COL28A1: variants seen among roughly 807,000 people sequenced by gnomAD.
COL28A1 encodes collagen type XXVIII alpha 1 chain.
A neutral mutation model predicts 150.2 loss-of-function variants in COL28A1; 161 were observed. The observed-to-expected ratio is 1.07, with a 90% CI of 0.94 to 1.22. COL28A1 has a LOEUF of 1.22. Ranked by LOEUF, COL28A1 falls within the 50% of genes most tolerant of loss-of-function variation. The pLI is 0.00. For missense variants in COL28A1, 1,617 were observed against 1,388.3 expected, an observed-to-expected ratio of 1.16 and a Z score of -2.62; for synonymous variants, 552 against 469.7, an observed-to-expected ratio of 1.18 and a Z score of -2.26.
chr7:7,532,025 G>C lies in COL28A1; in HGVS notation c.125-121C>G, dbSNP rs1782394567. On this transcript the variant is annotated intron_variant, in intron 2 of 34. Coordinates refer to ENST00000399429, the MANE Select transcript of COL28A1 (RefSeq NM_001037763.3). Reference sequence around the variant, plus strand: ...TGGTGTTGAGAGCAGCGTGAGGAGAGAAAGAGAGACACGTTGGACAGAAGG... The same window carrying C: ...TGGTGTTGAGAGCAGCGTGAGGAGACAAAGAGAGACACGTTGGACAGAAGG... The C allele has an allele frequency of 5.0e-6, 3 of 603,172 alleles. No homozygotes were observed. The East Asian group carries it at 8.3e-5, about 17-fold the overall frequency. The allele number at this position is 603,172 out of a possible 1,614,324, so 37.4% of individuals were successfully genotyped here. A position where few individuals can be genotyped will look rare whatever the true frequency, so the allele number is the denominator to read the frequency against.
intron 27 of COL28A1, among the ~76,000 whole-genome samples, chr7:7,395,581 T>A (rs947616444): frequency 1.3e-5 from 2 of 152,174 alleles, no homozygotes; most frequent in African/African-American, 4.8e-5. Flanking sequence ...GGTTACACAT[T>A]ACAAACAAAT....
Position 7,477,184 on chromosome 7 carries a change from GT to G in COL28A1, c.1165-5del. On this transcript the variant is annotated splice_region_variant and splice_polypyrimidine_tract_variant and intron_variant, in intron 13 of 34. Coordinates refer to ENST00000399429, the MANE Select transcript of COL28A1 (RefSeq NM_001037763.3). Reference sequence around the variant, plus strand: ...CTCCCTCAGGACCACGGGGACCCTGGTTAGGATAGGAGAAAATGAGGAGCAG... The same window carrying G: ...CTCCCTCAGGACCACGGGGACCCTGGTAGGATAGGAGAAAATGAGGAGCAG... The G allele has an allele frequency of 1.8e-6, 2 of 1,130,704 alleles. No homozygotes were observed. Among genetic ancestry groups the G allele is most frequent in the Non-Finnish European group, 2.7e-6 (2 of 737,824 alleles). The allele number at this position is 1,130,704 out of a possible 1,614,324, so 70.0% of individuals were successfully genotyped here.
rs368386215 is a variant in COL28A1, at chr7:7,486,394, T to C, written c.1164+2995A>G. Reference sequence around the variant, plus strand: ...CCATCATATCATCTGCAAATAAGGATAGTTTTATTTATTGTTTTTATACCA... The same window carrying C: ...CCATCATATCATCTGCAAATAAGGACAGTTTTATTTATTGTTTTTATACCA... On this transcript the variant is annotated intron_variant, in intron 13 of 34. Transcript: ENST00000399429. 1.1e-4 allele frequency among the ~76,000 whole-genome samples: 17 copies of C among 152,266 alleles called. 1 individual carries two copies. Among genetic ancestry groups the C allele is most frequent in the African/African-American group, 4.1e-4 (17 of 41,558 alleles).
chr7:7,444,398 T>C lies in COL28A1; in HGVS notation c.1581+20A>G, dbSNP rs374283959. 7 of 1,613,634 alleles carry C rather than the reference T, an allele frequency of 4.3e-6. No individual in the cohort carries two copies. Among genetic ancestry groups the C allele is most frequent in the Non-Finnish European group, 5.9e-6 (7 of 1,179,842 alleles). ...GGTTCAACAGTTCCTACTCCAGTAA[T>C]ACGAAAAACTTGGTGTTACCTTCTT... On this transcript the variant is annotated intron_variant, in intron 19 of 34. Transcript: ENST00000399429.
intron 14 of COL28A1, among the ~76,000 whole-genome samples, chr7:7,476,870 T>C (rs1167693511): frequency 6.6e-6 from 1 of 152,208 alleles, no homozygotes; most frequent in African/African-American, 2.4e-5. Flanking sequence ...CTTTAAGAGA[T>C]TTTTCTAATT....
intron 33 of COL28A1, among the ~76,000 whole-genome samples, chr7:7,370,486 T>C (rs1219064069): frequency 1.3e-5 from 2 of 152,124 alleles, no homozygotes; most frequent in Non-Finnish European, 2.9e-5. Flanking sequence ...TATAAAAATA[T>C]TATCAGCAAC....
intron 25 of COL28A1, among the ~76,000 whole-genome samples, chr7:7,428,963 T>C (rs1784790507): frequency 6.6e-6 from 1 of 152,238 alleles, no homozygotes; most frequent in African/African-American, 2.4e-5. Flanking sequence ...GGGTGCTAGA[T>C]GTCAGCAACT....
upstream of COL28A1, among the ~76,000 whole-genome samples, chr7:7,537,533 G>A (rs1481433024): frequency 1.3e-5 from 2 of 152,190 alleles, no homozygotes; most frequent in African/African-American, 4.8e-5. Flanking sequence ...GAGAGGTTCA[G>A]TAACTTGTCC....
At chr7:7,502,558 T>C (rs926726503) in intron 11 of COL28A1, among the ~76,000 whole-genome samples, 56 of 152,338 alleles carry the variant, frequency 3.7e-4, no homozygotes, top group Middle Eastern at 6.8e-3. Context: ...GCAGGCCCTA[T>C]CTAGAACCTC....
intron 11 of COL28A1, among the ~76,000 whole-genome samples, chr7:7,505,698 A>C (rs1033099906): frequency 6.6e-6 from 1 of 152,168 alleles, no homozygotes; most frequent in African/African-American, 2.4e-5. Context: ...GTCACTTGTT[A>C]TTGCTTTTTG....
At chr7:7,368,426 G>A (rs372596505) in intron 33 of COL28A1, among the ~76,000 whole-genome samples, 1 of 150,026 alleles carries the variant, frequency 6.7e-6, no homozygotes, top group Non-Finnish European at 1.5e-5. Context: ...CCTTCCCCCT[G>A]CTCTTCTCTT....
At chr7:7,401,536 G>T (rs887241395) in intron 27 of COL28A1, among the ~76,000 whole-genome samples, 3 of 151,886 alleles carry the variant, frequency 2.0e-5, no homozygotes, top group African/African-American at 7.3e-5. Flanking sequence ...TCCCATTTCA[G>T]AAAATGGAAA....
At chr7:7,497,824 T>C (rs1456709567) in intron 11 of COL28A1, among the ~76,000 whole-genome samples, 1 of 152,198 alleles carries the variant, frequency 6.6e-6, no homozygotes, top group East Asian at 1.9e-4. Context: ...TAATGTAAAT[T>C]ATAACTGGCA....
At chr7:7,341,014 C>A in the COL28A1 span, among the ~76,000 whole-genome samples, 8 of 152,134 alleles carry the variant, frequency 5.3e-5, no homozygotes, top group Admixed American at 6.6e-5. Flanking sequence ...TCTGTACTTA[C>A]CCATACAGAG....
chr7:7,365,392 T>A (rs573852482), intron 33 of COL28A1, among the ~76,000 whole-genome samples: 1 of 152,238 alleles, frequency 6.6e-6, no homozygotes, highest in South Asian at 2.1e-4. Context: ...ACAAATGAGT[T>A]GTCTAGGGAC....
chr7:7,509,811 C>T (rs1387053579), intron 9 of COL28A1, among the ~76,000 whole-genome samples: 1 of 152,110 alleles, frequency 6.6e-6, no homozygotes, highest in East Asian at 1.9e-4. Context: ...GTCCCTTTTT[C>T]TGCATTGCCA....
At chr7:7,422,166 A>G (rs989277561) in intron 25 of COL28A1, among the ~76,000 whole-genome samples, 5 of 152,220 alleles carry the variant, frequency 3.3e-5, no homozygotes, top group East Asian at 1.9e-4. Context: ...ACACTCTCCA[A>G]CAAAACAAGT....
At chr7:7,399,228 G>C (rs1583291361) in intron 27 of COL28A1, among the ~76,000 whole-genome samples, 1 of 152,022 alleles carries the variant, frequency 6.6e-6, no homozygotes, top group African/African-American at 2.4e-5. Flanking sequence ...TGTGCTTCCT[G>C]AACACCCTCA....
At chr7:7,502,408 G>T (rs1027770790) in intron 11 of COL28A1, among the ~76,000 whole-genome samples, 1 of 152,134 alleles carries the variant, frequency 6.6e-6, no homozygotes, top group Non-Finnish European at 1.5e-5. Flanking sequence ...ATTTTTTCCT[G>T]ACTTAACACA....
Sources: allele counts gnomAD v4.1 joint callset (sites outside exome capture counted in the v4.1 genomes callset), GRCh38; gene constraint gnomAD v4.1.1; transcripts MANE v1.5; gene names NCBI Gene and HGNC (gene_info 2026-07-23, HGNC 2026-07-21).